The following BICC1 variants were observed in gnomAD, a reference collection of about 807,000 sequenced individuals.
The protein encoded by BICC1 is BicC family RNA binding protein 1.
Under a neutral mutation model 111.0 loss-of-function variants are expected in BICC1, and 43 were observed. The ratio of observed to expected loss-of-function variants is 0.39; its 90% CI spans 0.30 to 0.50. The LOEUF is 0.50. Ranked by LOEUF, BICC1 falls within the 20% of genes least tolerant of loss-of-function variation. BICC1 has a pLI of 0.88. For synonymous variants in BICC1, 467 were observed against 434.4 expected, an observed-to-expected ratio of 1.07 and a Z score of -0.93; for missense variants, 1,091 against 1,203.2, an observed-to-expected ratio of 0.91 and a Z score of 1.38.
At position 58,813,994 on chromosome 10, in the gene BICC1, T is replaced by G; in HGVS notation, c.2533+8T>G. The stretch of plus-strand genomic sequence containing the variant: ...GTAAACAAAACAAATCAAGTGAGCG[T>G]TGTGTTTTATGCACACTTTTAGGTA... On this transcript the variant is annotated splice_region_variant and intron_variant, in intron 18 of 20. Coordinates refer to ENST00000373886, the MANE Select transcript of BICC1 (RefSeq NM_001080512.3). The G allele has an allele frequency of 6.2e-7, 1 of 1,613,964 alleles. No homozygotes were observed. The highest frequency in any genetic ancestry group is 8.5e-7 in the Non-Finnish European group (1 of 1,179,878).
chr10:58,677,791 G>A (rs1191818068), intron 2 of BICC1, among the ~76,000 whole-genome samples: 10 of 152,190 alleles, frequency 6.6e-5, no homozygotes, highest in Non-Finnish European at 1.5e-4. Context: ...CTTAAGGGCA[G>A]CCAGAAAAAG....
At chr10:58,548,552 T>G (rs1050663160) in intron 1 of BICC1, among the ~76,000 whole-genome samples, 2 of 152,210 alleles carry the variant, frequency 1.3e-5, no homozygotes, top group African/African-American at 4.8e-5. Flanking sequence ...GTTTTGAAAT[T>G]TACAATGTCA....
chr10:58,701,625 TC>T (rs1426855484), intron 2 of BICC1, among the ~76,000 whole-genome samples: 2 of 152,090 alleles, frequency 1.3e-5, no homozygotes, highest in Non-Finnish European at 2.9e-5. Context: ...AGTTATTTTT[TC>T]CCCCAGGGAA....
Position 58,542,162 on chromosome 10 carries a change from A to C in BICC1, c.190+28829A>C, listed in dbSNP as rs537853757. On this transcript the variant is annotated intron_variant, in intron 1 of 20. Coordinates refer to ENST00000373886, the MANE Select transcript of BICC1 (RefSeq NM_001080512.3). ...CAAGACCCTGTCTCAAAAAAAAAAAAAAAACAAAAAAAAAAACCCAGACAT... is the reference window on the plus strand; with the variant it reads ...CAAGACCCTGTCTCAAAAAAAAAAACAAAACAAAAAAAAAAACCCAGACAT... 4.7e-3 allele frequency among the ~76,000 whole-genome samples: 694 copies of C among 147,198 alleles called. 1 individual carries two copies. Among genetic ancestry groups the C allele is most frequent in the Middle Eastern group, 0.014 (4 of 290 alleles).
rs551540819 is a variant in BICC1, at chr10:58,673,885, C to T, written c.238-28189C>T. ...ACCTCAGGTGATCCGTCTGCCTTGG[C>T]CTCCCAAAGTGCTGGGATTACAGGT... is the stretch of plus-strand genomic sequence containing the variant. On this transcript the variant is annotated intron_variant, in intron 2 of 20. Coordinates refer to ENST00000373886, the MANE Select transcript of BICC1 (RefSeq NM_001080512.3). Among the ~76,000 whole-genome samples, 4 of 151,582 alleles carry T rather than the reference C, an allele frequency of 2.6e-5. No individual in the cohort carries two copies. The South Asian group carries it at 6.2e-4, about 24-fold the overall frequency.
At chr10:58,524,397 A>G (rs963777048) in intron 1 of BICC1, among the ~76,000 whole-genome samples, 11 of 152,242 alleles carry the variant, frequency 7.2e-5, no homozygotes, top group South Asian at 2.1e-4. Context: ...ATAATGCCGC[A>G]TATCTACAAC....
At chr10:58,774,016 G>T (rs1293076463) in intron 3 of BICC1, among the ~76,000 whole-genome samples, 1 of 152,114 alleles carries the variant, frequency 6.6e-6, no homozygotes, top group Non-Finnish European at 1.5e-5. Flanking sequence ...GAGAGATGTT[G>T]CCATAAATGT....
At chr10:58,580,632 T>C (rs1394996220) in intron 1 of BICC1, among the ~76,000 whole-genome samples, 1 of 152,206 alleles carries the variant, frequency 6.6e-6, no homozygotes, top group Non-Finnish European at 1.5e-5. Context: ...TACAGATCTC[T>C]AGAGCTTATT....
intron 2 of BICC1, among the ~76,000 whole-genome samples, chr10:58,639,696 T>C (rs7904808): frequency 0.99 from 141,744 of 142,646 alleles, 70,424 homozygotes; most frequent in South Asian, 1. Context: ...GAATTACAGG[T>C]ATGAGCCACT....
At chr10:58,670,895 G>T (rs941453798) in intron 2 of BICC1, among the ~76,000 whole-genome samples, 17 of 152,116 alleles carry the variant, frequency 1.1e-4, no homozygotes, top group Non-Finnish European at 2.1e-4. Flanking sequence ...CAACAATATG[G>T]ATGAAACCTG....
intron 3 of BICC1, among the ~76,000 whole-genome samples, chr10:58,776,160 T>C (rs999845): frequency 0.78 from 118,935 of 152,140 alleles, 46,974 homozygotes; most frequent in East Asian, 1. Flanking sequence ...AGCTCAGACA[T>C]AAAGAGATCA....
At chr10:58,554,117 T>C (rs886638248) in intron 1 of BICC1, among the ~76,000 whole-genome samples, 1 of 152,182 alleles carries the variant, frequency 6.6e-6, no homozygotes, top group Admixed American at 6.6e-5. Flanking sequence ...ATGAACTGAT[T>C]CTTTATTGGG....
chr10:58,650,523 G>A (rs1462602174), intron 2 of BICC1: 1 of 152,188 alleles, frequency 6.6e-6, no homozygotes, highest in Non-Finnish European at 1.5e-5. Context: ...GACTATGTGA[G>A]GGGCTTGCAG....
At chr10:58,797,053 A>G (rs1255572023) in intron 10 of BICC1, among the ~76,000 whole-genome samples, 1 of 152,196 alleles carries the variant, frequency 6.6e-6, no homozygotes, top group South Asian at 2.1e-4. Context: ...CGTGAGGAAT[A>G]GAAAATAGAA....
intron 2 of BICC1, among the ~76,000 whole-genome samples, chr10:58,671,589 G>A (rs1429454617): frequency 6.6e-6 from 1 of 152,050 alleles, no homozygotes; most frequent in Non-Finnish European, 1.5e-5. Flanking sequence ...CTAAAAATGG[G>A]GTTCCAATTG....
At chr10:58,529,824 G>T (rs1403894143) in intron 1 of BICC1, among the ~76,000 whole-genome samples, 4 of 151,848 alleles carry the variant, frequency 2.6e-5, no homozygotes, top group African/African-American at 9.7e-5. Flanking sequence ...TCAGTAAATG[G>T]ATATCTGAGA....
At chr10:58,765,439 A>G (rs998746897) in intron 3 of BICC1, among the ~76,000 whole-genome samples, 43 of 152,296 alleles carry the variant, frequency 2.8e-4, no homozygotes, top group African/African-American at 1.0e-3. Context: ...TTGCCTAAAC[A>G]TTTTTATTTA....
At chr10:58,554,535 A>C (rs1319636404) in intron 1 of BICC1, among the ~76,000 whole-genome samples, 1 of 151,984 alleles carries the variant, frequency 6.6e-6, no homozygotes, top group Non-Finnish European at 1.5e-5. Context: ...TGAAGTTCCT[A>C]CTCTTTTTTG....
chr10:58,569,510 T>G (rs1291861014), intron 1 of BICC1, among the ~76,000 whole-genome samples: 1 of 152,146 alleles, frequency 6.6e-6, no homozygotes, highest in East Asian at 1.9e-4. Flanking sequence ...TCATCTACAT[T>G]AGGTATTTCT....
Sources: allele counts gnomAD v4.1 joint callset (sites outside exome capture counted in the v4.1 genomes callset), GRCh38; gene constraint gnomAD v4.1.1; transcripts MANE v1.5; gene names NCBI Gene and HGNC (gene_info 2026-07-23, HGNC 2026-07-21).